The following AGBL3 variants were observed in gnomAD, a reference collection of about 807,000 sequenced individuals.
The protein encoded by AGBL3 is cytosolic carboxypeptidase 3.
In AGBL3, 68 loss-of-function variants were observed where a neutral mutation model predicts 94.5. That is an observed-to-expected ratio of 0.72 (90% CI 0.59 to 0.88). AGBL3 has a LOEUF of 0.88. Among genes scored for constraint, AGBL3 ranks in the 40% least tolerant of loss-of-function variants. The probability of loss-of-function intolerance (pLI) is 0.00; values close to 1 mark genes in which losing one functional copy is unlikely to be tolerated. For missense variants in AGBL3, 934 were observed against 1,103.8 expected (o/e 0.85, Z 2.18); for synonymous variants, 354 against 370.7 (o/e 0.95, Z 0.52).
chr7:135,058,396 G>C (rs948116150), intron 11 of AGBL3, among the ~76,000 whole-genome samples: 25 of 152,040 alleles, frequency 1.6e-4, no homozygotes, highest in African/African-American at 5.6e-4. Context: ...AGATTTGTTT[G>C]ACCCTTTTTT....
At chr7:135,070,264 AG>A (rs1426085982) in intron 12 of AGBL3, among the ~76,000 whole-genome samples, 1 of 152,240 alleles carries the variant, frequency 6.6e-6, no homozygotes, top group Non-Finnish European at 1.5e-5. Flanking sequence ...GTCCAGGACC[AG>A]ATGGATTCAC....
At chr7:135,073,629 G>A (rs1473838917) in intron 12 of AGBL3, among the ~76,000 whole-genome samples, 1 of 152,142 alleles carries the variant, frequency 6.6e-6, no homozygotes, top group Non-Finnish European at 1.5e-5. Context: ...CCTGTCTCAA[G>A]AGCCGAGCTC....
At chr7:135,072,878 C>T (rs955212168) in intron 12 of AGBL3, among the ~76,000 whole-genome samples, 5 of 150,984 alleles carry the variant, frequency 3.3e-5, no homozygotes, top group African/African-American at 1.2e-4. Context: ...CAAACCTTCA[C>T]GTTGTGCATA....
At chr7:135,072,451 A>G (rs550512714) in intron 12 of AGBL3, among the ~76,000 whole-genome samples, 11 of 152,342 alleles carry the variant, frequency 7.2e-5, no homozygotes, top group African/African-American at 2.6e-4. Context: ...GCTGCTATAA[A>G]GACACATGCA....
chr7:135,048,757 T>C (rs1452215372), intron 11 of AGBL3, among the ~76,000 whole-genome samples: 1 of 151,720 alleles, frequency 6.6e-6, no homozygotes, highest in South Asian at 2.1e-4. Context: ...ACAGTTGTTT[T>C]TTTTTTTTAA....
At chr7:134,993,317 C>T (rs1262452669) in intron 3 of AGBL3, among the ~76,000 whole-genome samples, 176 bp from the exon 4 acceptor site, 2 of 152,086 alleles carry the variant, frequency 1.3e-5, no homozygotes, top group Non-Finnish European at 2.9e-5. Flanking sequence ...CTGTGAAGAT[C>T]AATCATCACA....
chr7:135,096,129 G>T (rs774159556), intron 15 of AGBL3, among the ~76,000 whole-genome samples: 1 of 147,016 alleles, frequency 6.8e-6, no homozygotes, highest in South Asian at 2.3e-4. Flanking sequence ...TCCAGGCTGG[G>T]TGACAGAGAC....
intron 15 of AGBL3, chr7:135,093,212 G>T (rs920211708): frequency 6.6e-6 from 1 of 151,196 alleles, no homozygotes; most frequent in African/African-American, 2.4e-5. Flanking sequence ...AAAAAAAAAG[G>T]CATCCAAATT....
chr7:135,037,398 C>T lies in AGBL3; in HGVS notation c.1338-20C>T. 1.3e-6 allele frequency: 2 copies of T among 1,527,998 alleles called. No homozygotes were observed. Among genetic ancestry groups the T allele is most frequent in the Non-Finnish European group, 1.8e-6 (2 of 1,138,132 alleles). 94.7% of individuals were successfully genotyped at this position (1,527,998 alleles called of 1,614,324 possible). On this transcript the variant is annotated intron_variant, in intron 7 of 16. Transcript: ENST00000436302. ...AAAATGCAGAGATAAAAGTTAGTAA[C>T]TTATCTTTCTTCCTGGCAGACTGAT... is the stretch of plus-strand genomic sequence containing the variant.
chr7:135,013,862 A>C (rs1813445663), intron 4 of AGBL3, among the ~76,000 whole-genome samples: 1 of 152,126 alleles, frequency 6.6e-6, no homozygotes, highest in South Asian at 2.1e-4. Context: ...AAAGCATCTG[A>C]ACTGGATGGT....
intron 2 of AGBL3, among the ~76,000 whole-genome samples, chr7:134,988,914 A>C (rs1271956339): frequency 6.6e-6 from 1 of 152,218 alleles, no homozygotes; most frequent in Non-Finnish European, 1.5e-5. Context: ...CTGGGATTAC[A>C]GGCATGAGCC....
At chr7:135,068,024 T>C (rs2116754345) in intron 12 of AGBL3, among the ~76,000 whole-genome samples, 1 of 152,040 alleles carries the variant, frequency 6.6e-6, no homozygotes, top group Non-Finnish European at 1.5e-5. Context: ...GAATAACCAA[T>C]GCAGAGAAGT....
At chr7:134,992,968 A>T (rs1810488267) in intron 3 of AGBL3, among the ~76,000 whole-genome samples, 1 of 152,196 alleles carries the variant, frequency 6.6e-6, no homozygotes, top group Non-Finnish European at 1.5e-5. Context: ...GTACAGTATC[A>T]CACCAAAACA....
intron 8 of AGBL3, among the ~76,000 whole-genome samples, chr7:135,039,371 CA>C (rs1816618790): frequency 6.6e-6 from 1 of 152,076 alleles, no homozygotes; most frequent in African/African-American, 2.4e-5. Flanking sequence ...AAATATGTAA[CA>C]TGAAATTTTA....
chr7:135,060,479 T>C (rs903992465), intron 12 of AGBL3, among the ~76,000 whole-genome samples: 29 of 152,170 alleles, frequency 1.9e-4, no homozygotes, highest in African/African-American at 6.8e-4. Context: ...CAATGATGCA[T>C]AATAGATCTC....
intron 4 of AGBL3, among the ~76,000 whole-genome samples, chr7:134,996,629 A>T (rs1811048850): frequency 6.6e-6 from 1 of 152,214 alleles, no homozygotes; most frequent in Admixed American, 6.5e-5. Flanking sequence ...ATCAGATTTC[A>T]TTAAATGGAT....
In AGBL3 at chr7:135,134,571, A is replaced by C. The variant is rs555792528; in HGVS notation, c.2343-270A>C. Among the ~76,000 whole-genome samples the C allele has an allele frequency of 2.0e-5, 3 of 152,214 alleles. No individual in the cohort carries two copies. In the South Asian group the frequency reaches 6.2e-4, roughly 32 times the overall value. On this transcript the variant is annotated intron_variant, in intron 16 of 16. Transcript: ENST00000436302. ...ATATATAGGTAAGGAGCTGGGGCCC[A>C]GAGTGGCTATTATATTAGGAAGGCT... is the stretch of plus-strand genomic sequence containing the variant.
At chr7:135,076,883 C>CACAACA (rs34015368) in intron 13 of AGBL3, among the ~76,000 whole-genome samples, 10 of 151,488 alleles carry the variant, frequency 6.6e-5, no homozygotes, top group South Asian at 4.2e-4. Context: ...TGAAATTATC[C>CACAACA]ACAACAACAA....
At chr7:135,015,667 T>G (rs946726921) in intron 4 of AGBL3, among the ~76,000 whole-genome samples, 7 of 151,976 alleles carry the variant, frequency 4.6e-5, no homozygotes, top group Non-Finnish European at 1.5e-5. Context: ...CAGAAATTAA[T>G]AAAATCTCTG....
Sources: gnomAD v4.1 joint callset for allele counts (sites outside exome capture counted in the v4.1 genomes callset) on GRCh38, gnomAD v4.1.1 for gene constraint, MANE v1.5 for transcripts, NCBI Gene and HGNC (gene_info 2026-07-23, HGNC 2026-07-21) for gene names.